The following WDR59 variants were observed in gnomAD, a reference collection of about 807,000 sequenced individuals.
WDR59 encodes the protein GATOR2 complex protein WDR59.
A neutral mutation model predicts 131.2 loss-of-function variants in WDR59; 100 were observed. The ratio of observed to expected loss-of-function variants is 0.76; its 90% CI spans 0.65 to 0.90. The LOEUF is 0.90. WDR59 is among the 40% of genes least tolerant of loss of function. The pLI is 0.00. For synonymous variants in WDR59, 601 were observed against 466.2 expected (o/e 1.29, Z -3.72); for missense variants, 1,203 against 1,262.2 (o/e 0.95, Z 0.71).
chr16:74,938,947 C>T (rs1202874505), intron 7 of WDR59, among the ~76,000 whole-genome samples: 1 of 152,020 alleles, frequency 6.6e-6, no homozygotes, highest in South Asian at 2.1e-4. Context: ...AGGGTAAAAC[C>T]ATGCATCTTA....
intron 18 of WDR59, among the ~76,000 whole-genome samples, chr16:74,903,661 G>A (rs1267161647): frequency 6.6e-6 from 1 of 152,026 alleles, no homozygotes; most frequent in Non-Finnish European, 1.5e-5. Context: ...GAAATAATGG[G>A]AATCAACTCA....
At chr16:74,916,624 C>T (rs1347790063) in intron 11 of WDR59, among the ~76,000 whole-genome samples, 1 of 151,980 alleles carries the variant, frequency 6.6e-6, no homozygotes, top group African/African-American at 2.4e-5. Context: ...TTTGGGAGGC[C>T]GAGGCAGGTG....
chr16:74,913,724 T>G (rs982380634), intron 13 of WDR59, among the ~76,000 whole-genome samples: 1 of 152,140 alleles, frequency 6.6e-6, no homozygotes, highest in African/African-American at 2.4e-5. Flanking sequence ...AAAGTGCTCC[T>G]GGGAAAATCC....
chr16:74,983,801 C>A (rs1236639684), intron 1 of WDR59, among the ~76,000 whole-genome samples: 3 of 152,006 alleles, frequency 2.0e-5, no homozygotes, highest in Admixed American at 6.6e-5. Context: ...CATAGGGAGA[C>A]CCCGTCTCTA....
At chr16:74,958,460 G>A (rs1165057118) in intron 2 of WDR59, among the ~76,000 whole-genome samples, 1 of 150,876 alleles carries the variant, frequency 6.6e-6, no homozygotes, top group African/African-American at 2.4e-5. Flanking sequence ...AACATTGGTG[G>A]CAGGCACCTG....
At chr16:74,930,070 G>A (rs1385213931) in intron 8 of WDR59, among the ~76,000 whole-genome samples, 1 of 152,038 alleles carries the variant, frequency 6.6e-6, no homozygotes, top group African/African-American at 2.4e-5. Context: ...GCCAGAAGTG[G>A]GGATGGTTAA....
chr16:74,883,409 C>T (rs141703692), intron 25 of WDR59, among the ~76,000 whole-genome samples: 2,295 of 152,270 alleles, frequency 0.015, 41 homozygotes, highest in African/African-American at 0.05. Flanking sequence ...GTACTTCCGA[C>T]AACAGTTCAG....
At chr16:74,932,117 A>T (rs1282735346) in intron 8 of WDR59, among the ~76,000 whole-genome samples, 2 of 151,270 alleles carry the variant, frequency 1.3e-5, no homozygotes, top group Non-Finnish European at 2.9e-5. Flanking sequence ...TTTTTAAGAG[A>T]TAGGGTCTCA....
At position 74,976,536 on chromosome 16, in the gene WDR59, GGT is replaced by G. The variant is rs568821146; in HGVS notation, c.54+8426_54+8427del. The stretch of plus-strand genomic sequence containing the variant: ...TGGCTCCCTGAACCTCCACCTTTTG[GGT>G]TCGAGCGATTCTCCTGCCTCAGCCT... On this transcript the variant is annotated intron_variant, in intron 1 of 25. Coordinates refer to ENST00000262144, the MANE Select transcript of WDR59 (RefSeq NM_030581.4). Among the ~76,000 whole-genome samples, 319 of 151,674 alleles carry G rather than the reference GGT, an allele frequency of 2.1e-3. 1 individual carries two copies. The highest frequency in any genetic ancestry group is 7.0e-3 in the African/African-American group (288 of 41,352).
intron 25 of WDR59, among the ~76,000 whole-genome samples, chr16:74,884,903 A>T (rs770703463): frequency 5.9e-5 from 9 of 151,922 alleles, no homozygotes; most frequent in Non-Finnish European, 1.0e-4. Flanking sequence ...CCTTCTCAAC[A>T]CACCTCAATT....
At chr16:74,962,984 G>C (rs991635656) in intron 2 of WDR59, 1 of 151,370 alleles carries the variant, frequency 6.6e-6, no homozygotes, top group South Asian at 2.1e-4. Flanking sequence ...GGCCAGGTAC[G>C]GTGGCTCATG....
At chr16:74,938,053 G>A (rs1044724402) in intron 8 of WDR59, 97 bp downstream of exon 8, 1 of 846,490 alleles carries the variant, frequency 1.2e-6, no homozygotes, top group Non-Finnish European at 1.8e-6. Flanking sequence ...AATACATACT[G>A]TGCTAACACA....
At chr16:74,976,869 T>C (rs917433690) in intron 1 of WDR59, among the ~76,000 whole-genome samples, 1 of 151,982 alleles carries the variant, frequency 6.6e-6, no homozygotes, top group South Asian at 2.1e-4. Context: ...TAGCCCGGCC[T>C]GGTGGTGTGT....
intron 6 of WDR59, among the ~76,000 whole-genome samples, chr16:74,948,095 G>C (rs547618203): frequency 6.6e-6 from 1 of 152,114 alleles, no homozygotes; most frequent in Non-Finnish European, 1.5e-5. Flanking sequence ...TCACAAGGGG[G>C]ATGAAGGTGG....
chr16:74,908,900 T>C lies in WDR59; in HGVS notation c.1712+8A>G, dbSNP rs201565145. 1.2e-6 allele frequency: 2 copies of C among 1,613,452 alleles called. No individual in the cohort carries two copies. The highest frequency in any genetic ancestry group is 2.2e-5 in the South Asian group (2 of 90,996). ...ACGTAGAGCGGCTTCTGCATCTCCCTGACTCACCTCGGAGTAGGCTCTGTG... is the reference window on the plus strand; with the variant it reads ...ACGTAGAGCGGCTTCTGCATCTCCCCGACTCACCTCGGAGTAGGCTCTGTG... On this transcript the variant is annotated splice_region_variant and intron_variant, in intron 17 of 25. Transcript: ENST00000262144.
chr16:74,954,227 G>GGA (rs2145152961), intron 3 of WDR59, among the ~76,000 whole-genome samples: 1 of 152,108 alleles, frequency 6.6e-6, no homozygotes, highest in South Asian at 2.1e-4. Flanking sequence ...GGACCAACAC[G>GGA]GAGAAACCCT....
chr16:74,939,347 A>C (rs2032045998), intron 7 of WDR59, among the ~76,000 whole-genome samples: 1 of 152,184 alleles, frequency 6.6e-6, no homozygotes, highest in Non-Finnish European at 1.5e-5. Context: ...CAGAAAAAAA[A>C]CCTAAATGAT....
At position 74,958,592 on chromosome 16, in the gene WDR59, C is replaced by CAAAAAAAAAAAAAA. The variant is rs747175030; in HGVS notation, c.105-1996_105-1983dup. Among the ~76,000 whole-genome samples the CAAAAAAAAAAAAAA allele has an allele frequency of 8.4e-3, 111 of 13,234 alleles. 5 individuals are homozygous for CAAAAAAAAAAAAAA. The highest frequency in any genetic ancestry group is 0.011 in the South Asian group (2 of 182). 8.7% of individuals were successfully genotyped at this position (13,234 alleles called of 152,430 possible). On this transcript the variant is annotated intron_variant, in intron 2 of 25. Coordinates refer to ENST00000262144, the MANE Select transcript of WDR59 (RefSeq NM_030581.4). ...TGGGGGACAGGCTGAGACTCCATCTCAAAAAAAAAAAAAAAAAAAAAAAAA... is the reference window on the plus strand; with the variant it reads ...TGGGGGACAGGCTGAGACTCCATCTCAAAAAAAAAAAAAAAAAAAAAAAAAAAAAAAAAAAAAAA...
At chr16:74,938,463 T>C (rs552656217) in intron 7 of WDR59, among the ~76,000 whole-genome samples, 197 bp from the exon 8 acceptor site, 17 of 152,324 alleles carry the variant, frequency 1.1e-4, no homozygotes, top group African/African-American at 4.1e-4. Context: ...CTCCTTCACA[T>C]GCTCTGAAAA....
Sources: gnomAD v4.1 joint callset for allele counts (sites outside exome capture counted in the v4.1 genomes callset) on GRCh38, gnomAD v4.1.1 for gene constraint, MANE v1.5 for transcripts, NCBI Gene and HGNC (gene_info 2026-07-23, HGNC 2026-07-21) for gene names.